B4GALT1: variants seen among roughly 807,000 people sequenced by gnomAD.
B4GALT1 encodes beta-1,4-galactosyltransferase 1.
A neutral mutation model predicts 34.9 loss-of-function variants in B4GALT1; 16 were observed. The ratio of observed to expected loss-of-function variants is 0.46; its 90% CI spans 0.31 to 0.70. The LOEUF (loss-of-function observed/expected upper bound fraction) is 0.70. B4GALT1 is among the 30% of genes least tolerant of loss of function. B4GALT1 has a pLI of 0.05. For missense variants in B4GALT1, 445 were observed against 530.5 expected (o/e 0.84, Z 1.58); for synonymous variants, 221 against 218.1 (o/e 1.01, Z -0.12).
intron 1 of B4GALT1, among the ~76,000 whole-genome samples, chr9:33,141,911 C>T (rs1356503898): frequency 6.6e-6 from 1 of 152,194 alleles, no homozygotes; most frequent in East Asian, 1.9e-4. Flanking sequence ...ACTCTCGATT[C>T]TCACGTGAAG....
At position 33,116,048 on chromosome 9, in the gene B4GALT1, T is replaced by C. The variant is rs376696269; in HGVS notation, c.902A>G (p.Asn301Ser). 11 of 1,613,196 alleles carry C rather than the reference T, an allele frequency of 6.8e-6. No individual in the cohort carries two copies. The highest frequency in any genetic ancestry group is 1.7e-5 in the Admixed American group (1 of 59,974). ...ALSKQQFLTI[N>S]GFPNNYWGWG... is the part of the protein sequence containing the mutation. ...GCCCCAATAATTATTAGGAAATCCA[T>C]TGATGGTTAGAAACTGTTGTTTACT... Residue 301 changes from asparagine (N) to serine (S), a missense_variant, in exon 4 of 6, where the codon AAT becomes AGT. Physicochemically the swap from Asn to Ser is conservative, Grantham distance 46. This residue lies in a region of B4GALT1 where 7 missense variants were observed against 27.4 expected (regional missense o/e 0.26). Transcript: ENST00000379731.
intron 1 of B4GALT1, among the ~76,000 whole-genome samples, chr9:33,165,762 T>TTGGGCCTG (rs1182491291): frequency 6.6e-6 from 1 of 152,238 alleles, no homozygotes; most frequent in Non-Finnish European, 1.5e-5. Context: ...TGTGGTTGCC[T>TTGGGCCTG]TGGGCCTGTG....
intron 2 of B4GALT1, among the ~76,000 whole-genome samples, chr9:33,132,303 AC>A (rs1215577166): frequency 6.6e-6 from 1 of 152,166 alleles, no homozygotes; most frequent in African/African-American, 2.4e-5. Context: ...GGAGATGCTA[AC>A]TTAGGCCCGC....
downstream of B4GALT1, among the ~76,000 whole-genome samples, chr9:33,107,394 T>C (rs1031705668): frequency 3.9e-5 from 6 of 152,106 alleles, no homozygotes; most frequent in Non-Finnish European, 8.8e-5. Flanking sequence ...CTTCAGAATG[T>C]GGTCAATGTG....
the B4GALT1 span, among the ~76,000 whole-genome samples, chr9:33,173,404 CAAAAAAAAAAGCAAA>C: frequency 6.6e-5 from 4 of 60,540 alleles, no homozygotes; most frequent in African/African-American, 1.3e-4. Context: ...GACTCCGTCT[CAAAAAAAAAAGCAAA>C]AAAAAAAAAA....
chr9:33,104,969 G>C (rs1446715412), intron 2 of B4GALT1, among the ~76,000 whole-genome samples: 1 of 149,656 alleles, frequency 6.7e-6, no homozygotes, highest in African/African-American at 2.5e-5. Flanking sequence ...ACAGGCATGT[G>C]CCACCACGCC....
chr9:33,122,314 T>C (rs567421335), intron 2 of B4GALT1, among the ~76,000 whole-genome samples: 57 of 152,034 alleles, frequency 3.7e-4, no homozygotes, highest in African/African-American at 1.3e-3. Context: ...GTCTAGGAGC[T>C]CGAGACCAGC....
Position 33,167,077 on chromosome 9 carries a change from A to G in B4GALT1, c.93T>C (p.Ala31=), listed in dbSNP as rs1053172356. 3 of 1,603,992 alleles carry G rather than the reference A, an allele frequency of 1.9e-6. No homozygotes were observed. The highest frequency in any genetic ancestry group is 2.5e-6 in the Non-Finnish European group (3 of 1,179,104). The part of the protein sequence containing the change: ...RACRLLVAVC[A]LHLGVTLVYY... ...AAACGAGGGTGACGCCAAGGTGCAG[A>G]GCGCAGACGGCCACGAGCAGGCGGC... Residue 31 remains alanine (A), a synonymous_variant, in exon 1 of 6, where the codon GCT becomes GCC. Transcript: ENST00000379731.
At chr9:33,120,390 A>G (rs776077697) in intron 3 of B4GALT1, 29 bp downstream of exon 3, 1 of 1,610,748 alleles carries the variant, frequency 6.2e-7, no homozygotes, top group South Asian at 1.1e-5. Context: ...AGACATGTTT[A>G]CCACAGATTC....
chr9:33,167,544 C>A (rs1410806332), upstream of B4GALT1, among the ~76,000 whole-genome samples: 1 of 152,226 alleles, frequency 6.6e-6, no homozygotes, highest in Non-Finnish European at 1.5e-5. Context: ...GCAGCTCCGA[C>A]GCTTGGCCGC....
At position 33,112,634 on chromosome 9, in the gene B4GALT1, A is replaced by C. The variant is rs563811595; in HGVS notation, c.*820T>G. 1.3e-5 allele frequency: 2 copies of C among 152,792 alleles called. No individual in the cohort carries two copies. The highest frequency in any genetic ancestry group is 3.9e-4 in the East Asian group (2 of 5,194). The allele number at this position is 152,792 out of a possible 1,614,324, so 9.5% of individuals were successfully genotyped here. ...TTTACATAGCATGCCAAGAAAAATA[A>C]ATTGTCATGACTTAACATTAAACAG... is the stretch of plus-strand genomic sequence containing the variant. On this transcript the variant is annotated 3_prime_UTR_variant, in exon 6 of 6. Transcript: ENST00000379731.
the B4GALT1 span, among the ~76,000 whole-genome samples, chr9:33,184,083 G>A: frequency 6.6e-6 from 1 of 151,952 alleles, no homozygotes; most frequent in Non-Finnish European, 1.5e-5. Flanking sequence ...ATGGGTTGGT[G>A]AGTGCAGCAA....
chr9:33,141,425 G>A (rs540250398), intron 1 of B4GALT1, among the ~76,000 whole-genome samples: 1 of 152,200 alleles, frequency 6.6e-6, no homozygotes, highest in Admixed American at 6.5e-5. Context: ...GCTGAGGCAG[G>A]AGAATCTCTT....
chr9:33,171,080 A>C (rs1210397412), upstream of B4GALT1, among the ~76,000 whole-genome samples: 1 of 152,246 alleles, frequency 6.6e-6, no homozygotes, highest in Non-Finnish European at 1.5e-5. Flanking sequence ...CATGGATCAG[A>C]AGGGCATCAA....
At chr9:33,176,602 G>A in the B4GALT1 span, among the ~76,000 whole-genome samples, 1 of 152,136 alleles carries the variant, frequency 6.6e-6, no homozygotes, top group African/African-American at 2.4e-5. Flanking sequence ...ATTAATGCAG[G>A]AACAGAAAAC....
exon 3 of B4GALT1, chr9:33,104,755 C>A (rs371945134): frequency 2.2e-6 from 1 of 455,860 alleles, no homozygotes; most frequent in Non-Finnish European, 4.4e-6. Flanking sequence ...GAAGCCTTCA[C>A]CACAGGAGTC....
At chr9:33,163,481 C>T (rs138296840) in intron 1 of B4GALT1, among the ~76,000 whole-genome samples, 4 of 152,184 alleles carry the variant, frequency 2.6e-5, no homozygotes, top group Non-Finnish European at 5.9e-5. Context: ...CCCCTACCCC[C>T]CTGAGGGGAC....
chr9:33,115,889 A>G (rs1464696929), intron 4 of B4GALT1, 102 bp downstream of exon 4: 13 of 1,470,130 alleles, frequency 8.8e-6, no homozygotes, highest in Non-Finnish European at 1.1e-5. Context: ...CTAGGGGTGC[A>G]TCCCATCTGA....
At chr9:33,127,055 G>A (rs939751205) in intron 2 of B4GALT1, among the ~76,000 whole-genome samples, 3 of 152,044 alleles carry the variant, frequency 2.0e-5, no homozygotes, top group South Asian at 2.1e-4. Flanking sequence ...TCCGCCTCCC[G>A]GGTTCATATC....
Sources: gnomAD v4.1 joint callset for allele counts (sites outside exome capture counted in the v4.1 genomes callset) on GRCh38, gnomAD v4.1.1 for gene constraint, gnomAD v4.1.1 regional missense constraint, MANE v1.5 for transcripts, NCBI Gene and HGNC (gene_info 2026-07-23, HGNC 2026-07-21) for gene names.